Variants in CAMTA1 observed in about 807,000 individuals in gnomAD.
CAMTA1 encodes calmodulin-binding transcription activator 1.
A neutral mutation model predicts 170.9 loss-of-function variants in CAMTA1; 27 were observed. The observed-to-expected ratio is 0.16, with a 90% confidence interval of 0.12 to 0.22. The LOEUF is 0.22. Ranked by LOEUF, CAMTA1 falls within the 10% of genes least tolerant of loss-of-function variation. The pLI, the probability that CAMTA1 is intolerant of heterozygous loss-of-function variation, is 1.00. For synonymous variants in CAMTA1, 833 were observed against 891.5 expected (o/e 0.93, Z 1.17); for missense variants, 1,619 against 2,217.2 (o/e 0.73, Z 5.42).
intron 5 of CAMTA1, among the ~76,000 whole-genome samples, chr1:7,364,227 C>T (rs757744192): frequency 1.3e-5 from 2 of 152,184 alleles, no homozygotes; most frequent in Non-Finnish European, 2.9e-5. Context: ...GCAGCGAGAC[C>T]AGCGAGGTGT....
rs141858893 is a variant in CAMTA1 at position 7,065,299 on chromosome 1, C to T, written c.235-26005C>T. Among the ~76,000 whole-genome samples, 177 of 152,170 alleles carry T rather than the reference C, an allele frequency of 1.2e-3. No homozygotes were observed. Among genetic ancestry groups the T allele is most frequent in the African/African-American group, 4.0e-3 (166 of 41,510 alleles). ...CCAGTTGTTGCAGGAAGATGGACAGCCCATGAGGTTTCCCAGAGGGCCTGG... is the reference window on the plus strand; with the variant it reads ...CCAGTTGTTGCAGGAAGATGGACAGTCCATGAGGTTTCCCAGAGGGCCTGG... On this transcript the variant is annotated intron_variant, in intron 3 of 22. Transcript: ENST00000303635. The surrounding 1 kb of genome is among the most constrained non-coding windows in gnomAD (Gnocchi z 5.2).
chr1:7,337,074 TGATCTGACCTCTC>T (rs1340895868), intron 5 of CAMTA1, among the ~76,000 whole-genome samples: 1 of 152,238 alleles, frequency 6.6e-6, no homozygotes, highest in Non-Finnish European at 1.5e-5. Context: ...CGATCCCTAG[TGATCTGACCTCTC>T]TGGGGGAGTT....
In CAMTA1 at chr1:7,661,873, C is replaced by A. The variant is rs772978946; in HGVS notation, c.805+7C>A. 6.3e-7 allele frequency: 1 copy of A among 1,599,138 alleles called. No homozygotes were observed. Among genetic ancestry groups the A allele is most frequent in the Admixed American group, 1.7e-5 (1 of 57,694 alleles). ...CTCTGCACCGGCAGCCTGGGTGAGC[C>A]GGGGCTCCCGGGGCAGGCGGGCGCC... On this transcript the variant is annotated splice_region_variant and intron_variant, in intron 8 of 22. Transcript: ENST00000303635.
chr1:7,384,734 T>C (rs2087733764), intron 5 of CAMTA1, among the ~76,000 whole-genome samples: 1 of 152,176 alleles, frequency 6.6e-6, no homozygotes, highest in Admixed American at 6.5e-5. Context: ...CTTCAGCATG[T>C]AACTGGGTGT....
chr1:6,807,200 G>A (rs1644615348), intron 1 of CAMTA1: 1 of 446,296 alleles, frequency 2.2e-6, no homozygotes. Context: ...AAGGAGAAAA[G>A]TTCCAGGTAA....
At chr1:7,564,637 CGTGT>C (rs150138917) in intron 6 of CAMTA1, among the ~76,000 whole-genome samples, 1 of 151,082 alleles carries the variant, frequency 6.6e-6, no homozygotes, top group Non-Finnish European at 1.5e-5. Context: ...CGTTTGCAGG[CGTGT>C]GTGTGTGTGT....
chr1:7,011,491 G>A (rs1699785258), intron 3 of CAMTA1, among the ~76,000 whole-genome samples: 1 of 152,036 alleles, frequency 6.6e-6, no homozygotes, highest in African/African-American at 2.4e-5. Context: ...CTCTGAAGAT[G>A]CGGAGGACCT....
At chr1:7,406,460 T>G (rs1349404330) in intron 5 of CAMTA1, among the ~76,000 whole-genome samples, 1 of 152,126 alleles carries the variant, frequency 6.6e-6, no homozygotes, top group Non-Finnish European at 1.5e-5. Flanking sequence ...GAAAATTCTT[T>G]TTATACTGGA....
chr1:7,308,434 A>T (rs1169687656), intron 5 of CAMTA1, among the ~76,000 whole-genome samples: 2 of 151,922 alleles, frequency 1.3e-5, no homozygotes, highest in African/African-American at 4.8e-5. Context: ...CTTAAGAAGG[A>T]TGCTATATTA....
At chr1:7,338,887 C>T (rs777190139) in intron 5 of CAMTA1, among the ~76,000 whole-genome samples, 29 of 152,294 alleles carry the variant, frequency 1.9e-4, no homozygotes, top group African/African-American at 2.9e-4. Flanking sequence ...CTCACAGTTC[C>T]GCAGGCTGTA....
chr1:7,204,136 C>A (rs754841656), intron 4 of CAMTA1, among the ~76,000 whole-genome samples: 1 of 151,946 alleles, frequency 6.6e-6, no homozygotes, highest in Non-Finnish European at 1.5e-5. Flanking sequence ...CTGTGCCAGG[C>A]CAATTTTCTT....
chr1:7,481,741 C>T (rs1012689140), intron 6 of CAMTA1, among the ~76,000 whole-genome samples: 1 of 152,162 alleles, frequency 6.6e-6, no homozygotes, highest in African/African-American at 2.4e-5. Flanking sequence ...CCACAGCACA[C>T]CTCCCCCAAG....
chr1:6,817,806 T>C (rs1283983163), intron 1 of CAMTA1, among the ~76,000 whole-genome samples: 1 of 152,144 alleles, frequency 6.6e-6, no homozygotes, highest in Non-Finnish European at 1.5e-5. Flanking sequence ...CTCAGTATAC[T>C]ACTATTGGTT....
In CAMTA1 at chr1:7,146,524, C is replaced by T. The variant is rs555110785; in HGVS notation, c.302+55153C>T. Among the ~76,000 whole-genome samples, 8 of 152,228 alleles carry T rather than the reference C, an allele frequency of 5.3e-5. No homozygotes were observed. In the East Asian group the frequency reaches 1.2e-3, roughly 22 times the overall value. ...TGAATTCTGTGCTGGTGGACACTGCCGCCCAGCAGGACACTCATCACCATG... is the reference window on the plus strand; with the variant it reads ...TGAATTCTGTGCTGGTGGACACTGCTGCCCAGCAGGACACTCATCACCATG... On this transcript the variant is annotated intron_variant, in intron 4 of 22. Coordinates refer to ENST00000303635, the MANE Select transcript of CAMTA1 (RefSeq NM_015215.4). The surrounding 1 kb of genome is among the most constrained non-coding windows in gnomAD (Gnocchi z 4.3).
At chr1:7,246,647 C>T (rs1016191232) in intron 4 of CAMTA1, among the ~76,000 whole-genome samples, 3 of 149,706 alleles carry the variant, frequency 2.0e-5, no homozygotes, top group Non-Finnish European at 4.4e-5. Context: ...TTCCTCTGAT[C>T]CCTTCCCACC....
At chr1:7,151,067 G>A (rs1646544502) in intron 4 of CAMTA1, among the ~76,000 whole-genome samples, 1 of 152,168 alleles carries the variant, frequency 6.6e-6, no homozygotes, top group Non-Finnish European at 1.5e-5. Context: ...TGAAACCATT[G>A]GGCCAAGAAT....
At chr1:7,053,096 G>A (rs1490731208) in intron 3 of CAMTA1, among the ~76,000 whole-genome samples, 1 of 152,316 alleles carries the variant, frequency 6.6e-6, no homozygotes, top group East Asian at 1.9e-4. Context: ...GGGGCGGCTG[G>A]AGGGATGGAC....
At chr1:7,258,227 T>C (rs80320618) in intron 5 of CAMTA1, among the ~76,000 whole-genome samples, 1 of 152,348 alleles carries the variant, frequency 6.6e-6, no homozygotes, top group African/African-American at 2.4e-5. Flanking sequence ...TTGTAGTTTC[T>C]GCCTTCCTTG....
At chr1:7,746,780 G>T (rs926393034) in intron 18 of CAMTA1, among the ~76,000 whole-genome samples, 5 of 152,156 alleles carry the variant, frequency 3.3e-5, no homozygotes, top group Non-Finnish European at 7.3e-5. Context: ...GGAATTACTG[G>T]CGCGTGCCAC....
Sources: gnomAD v4.1 joint callset for allele counts (sites outside exome capture counted in the v4.1 genomes callset) on GRCh38, gnomAD v4.1.1 for gene constraint, Gnocchi (gnomAD v3.1) non-coding constraint, MANE v1.5 for transcripts, NCBI Gene and HGNC (gene_info 2026-07-23, HGNC 2026-07-21) for gene names.